Variants in XKR3 observed in about 807,000 individuals in gnomAD.
The protein encoded by XKR3 is XK related 3.
XKR3 carries 27 observed loss-of-function variants against 40.3 expected under a neutral mutation model. The ratio of observed to expected loss-of-function variants is 0.67; its 90% CI spans 0.49 to 0.92. XKR3 has a LOEUF of 0.92. Ranked by LOEUF, XKR3 falls within the 40% of genes least tolerant of loss-of-function variation. XKR3 has a pLI of 0.00. For synonymous variants in XKR3, 193 were observed against 195.4 expected (o/e 0.99, Z 0.10); for missense variants, 472 against 537.6 (o/e 0.88, Z 1.21).
chr22:16,785,720 C>T (rs1203539105), intron 3 of XKR3, among the ~76,000 whole-genome samples: 1 of 151,772 alleles, frequency 6.6e-6, no homozygotes. Context: ...AAAAATTAGC[C>T]GGGCATAGAC....
chr22:16,787,674 A>G (rs1415901617), intron 3 of XKR3, among the ~76,000 whole-genome samples: 3 of 152,124 alleles, frequency 2.0e-5, no homozygotes, highest in African/African-American at 7.2e-5. Flanking sequence ...TATTCAGGTA[A>G]AGGAATATTG....
chr22:16,794,895 T>C (rs1203643721), intron 3 of XKR3, among the ~76,000 whole-genome samples: 1 of 151,978 alleles, frequency 6.6e-6, no homozygotes, highest in African/African-American at 2.4e-5. Context: ...CCAGTGAAAA[T>C]TGAGAAGGAC....
At chr22:16,803,044 A>C (rs1003094202) in intron 2 of XKR3, among the ~76,000 whole-genome samples, 1 of 151,356 alleles carries the variant, frequency 6.6e-6, no homozygotes, top group Non-Finnish European at 1.5e-5. Context: ...TTCCATGTCA[A>C]TCCATCTTAA....
At chr22:16,785,173 C>G (rs1294334791) in intron 3 of XKR3, among the ~76,000 whole-genome samples, 1 of 151,992 alleles carries the variant, frequency 6.6e-6, no homozygotes, top group Non-Finnish European at 1.5e-5. Flanking sequence ...AAAAATTAGC[C>G]GGGCGTAGTG....
In XKR3 at chr22:16,799,950, C is replaced by T. The variant is rs777996720; in HGVS notation, c.410G>A (p.Ser137Asn). ...CAGCATCGTGTTTCTCTTTGTGATG[C>T]TAACTTGAGTCTCTTCCTTCTCCTG... ...LKQEKEETQVSITKRNTMLER... is the reference protein window; with the variant it reads ...LKQEKEETQVNITKRNTMLER... Residue 137 changes from serine to asparagine, a missense_variant, in exon 3 of 4, where the codon AGC becomes AAC. Physicochemically the swap from Ser to Asn is conservative, Grantham distance 46. Transcript: ENST00000684488. 1.9e-6 allele frequency: 3 copies of T among 1,614,112 alleles called. No homozygotes were observed. Among genetic ancestry groups the T allele is most frequent in the Non-Finnish European group, 2.5e-6 (3 of 1,180,000 alleles).
At chr22:16,805,932 G>A (rs1050747479) in intron 2 of XKR3, among the ~76,000 whole-genome samples, 1 of 152,170 alleles carries the variant, frequency 6.6e-6, no homozygotes, top group Non-Finnish European at 1.5e-5. Flanking sequence ...GCAGAAATAA[G>A]AACCCCTAAT....
chr22:16,812,793 T>C (rs2060217854), intron 1 of XKR3, among the ~76,000 whole-genome samples: 1 of 152,226 alleles, frequency 6.6e-6, no homozygotes, highest in African/African-American at 2.4e-5. Context: ...TGAGAAACTC[T>C]GTACCATTAG....
chr22:16,820,034 C>T (rs1218468755), intron 1 of XKR3, among the ~76,000 whole-genome samples: 1 of 152,112 alleles, frequency 6.6e-6, no homozygotes, highest in African/African-American at 2.4e-5. Flanking sequence ...AATGACAACA[C>T]CAAATGCTGG....
chr22:16,808,243 G>A (rs750163203), intron 1 of XKR3, among the ~76,000 whole-genome samples, 160 bp from the exon 2 acceptor site: 29 of 152,136 alleles, frequency 1.9e-4, no homozygotes, highest in Non-Finnish European at 3.5e-4. Context: ...CTGGTTTAGG[G>A]AATATTGAAC....
At chr22:16,814,075 T>A (rs1451423404) in intron 1 of XKR3, among the ~76,000 whole-genome samples, 1 of 152,234 alleles carries the variant, frequency 6.6e-6, no homozygotes, top group African/African-American at 2.4e-5. Flanking sequence ...TTATTATTTG[T>A]GTTTTTGGTT....
chr22:16,799,353 G>T (rs2060156464), intron 3 of XKR3, among the ~76,000 whole-genome samples: 1 of 136,928 alleles, frequency 7.3e-6, no homozygotes, highest in Non-Finnish European at 1.5e-5. Flanking sequence ...GGCGGAGCTT[G>T]CAGTGGGCCG....
At chr22:16,802,481 C>T (rs1049194563) in intron 2 of XKR3, among the ~76,000 whole-genome samples, 1 of 150,252 alleles carries the variant, frequency 6.7e-6, no homozygotes, top group Middle Eastern at 3.4e-3. Context: ...TGTAAACCAT[C>T]CCAGTCTTTC....
In XKR3 at chr22:16,784,208, C is replaced by T. The variant is rs1437851350; in HGVS notation, c.791G>A (p.Ser264Asn). 6.4e-5 allele frequency: 103 copies of T among 1,614,180 alleles called. 2 individuals carry two copies. The East Asian group carries it at 1.8e-3, about 28-fold the overall frequency. The change falls in exon 4 of 4, where the codon AGC becomes AAC. Residue 264 changes from serine to asparagine, a missense_variant. Physicochemically the swap from Ser to Asn is conservative, Grantham distance 46 (BLOSUM62 1). Coordinates refer to ENST00000684488, the MANE Select transcript of XKR3 (RefSeq NM_001386955.1). ...ATATATGATTAACAAAACGGGTAGG[C>T]TCTTCAGTTTCAGAGATGCAATGAA... ...AFFIASLKLKSLPVLLIIYFV... is the reference protein window; with the variant it reads ...AFFIASLKLKNLPVLLIIYFV...
At chr22:16,791,779 GA>G (rs2060118514) in intron 3 of XKR3, among the ~76,000 whole-genome samples, 455 of 37,444 alleles carry the variant, frequency 0.012, 1 homozygote, top group Admixed American at 0.043. Flanking sequence ...GAGAGAGAGG[GA>G]GAGAGAGAGA....
chr22:16,786,041 C>T (rs1365887406), intron 3 of XKR3, among the ~76,000 whole-genome samples: 2 of 152,076 alleles, frequency 1.3e-5, no homozygotes, highest in Admixed American at 1.3e-4. Flanking sequence ...AAGTGAAACT[C>T]TAAAACATTA....
intron 3 of XKR3, 23 bp from the exon 4 acceptor site, chr22:16,784,432 T>C: frequency 6.5e-7 from 1 of 1,545,920 alleles, no homozygotes; most frequent in East Asian, 2.3e-5. Context: ...AACATGAAAA[T>C]GTTAGAGAAT....
chr22:16,803,856 C>T (rs2060179193), intron 2 of XKR3, among the ~76,000 whole-genome samples: 1 of 152,204 alleles, frequency 6.6e-6, no homozygotes, highest in Admixed American at 6.5e-5. Context: ...TTTGGGCATG[C>T]TCTCTCTATG....
intron 1 of XKR3, among the ~76,000 whole-genome samples, chr22:16,819,200 G>A (rs193162830): frequency 2.1e-3 from 320 of 152,238 alleles, no homozygotes; most frequent in African/African-American, 7.3e-3. Flanking sequence ...AATATGTTGT[G>A]TTAATCTTCC....
In XKR3 at chr22:16,800,031, A is replaced by T. The variant is rs764828366; in HGVS notation, c.336-7T>A. The T allele has an allele frequency of 6.2e-7, 1 of 1,610,216 alleles. No individual in the cohort carries two copies. The highest frequency in any genetic ancestry group is 1.1e-5 in the South Asian group (1 of 90,682). ...TCTAATGGTGTGCAAACACCTGTTA[A>T]CATGAAGTAACATCCAAGATTAACA... is the stretch of plus-strand genomic sequence containing the variant. On this transcript the variant is annotated splice_polypyrimidine_tract_variant and splice_region_variant and intron_variant, in intron 2 of 3. Coordinates refer to ENST00000684488, the MANE Select transcript of XKR3 (RefSeq NM_001386955.1).
Sources: gnomAD v4.1 joint callset for allele counts (sites outside exome capture counted in the v4.1 genomes callset) on GRCh38, gnomAD v4.1.1 for gene constraint, MANE v1.5 for transcripts, NCBI Gene and HGNC (gene_info 2026-07-23, HGNC 2026-07-21) for gene names.